Variants in CDHR4 observed in about 807,000 individuals in gnomAD.
The protein encoded by CDHR4 is cadherin related family member 4.
CDHR4 carries 89 observed loss-of-function variants against 88.4 expected under a neutral mutation model. The ratio of observed to expected loss-of-function variants is 1.01; its 90% CI spans 0.85 to 1.20. The LOEUF is 1.20. Among genes scored for constraint, CDHR4 ranks in the 50% most tolerant of loss-of-function variants. CDHR4 has a pLI of 0.00. For synonymous variants in CDHR4, 368 were observed against 399.2 expected, an observed-to-expected ratio of 0.92 and a Z score of 0.93; for missense variants, 914 against 1,007.2, an observed-to-expected ratio of 0.91 and a Z score of 1.25.
At chr3:49,797,622 C>T (rs957548363) in intron 4 of CDHR4, among the ~76,000 whole-genome samples, 8 of 152,128 alleles carry the variant, frequency 5.3e-5, no homozygotes, top group Non-Finnish European at 1.0e-4. Context: ...GCTGAGATTA[C>T]AGGTGCCCGC....
chr3:49,791,874 A>G, intron 16 of CDHR4, 29 bp downstream of exon 16: 2 of 1,551,566 alleles, frequency 1.3e-6, no homozygotes, highest in East Asian at 2.4e-5. Flanking sequence ...ATGGGATCCC[A>G]GGCATAGAAG....
At chr3:49,793,513 GAAC>G (rs2081215469) in intron 12 of CDHR4, 67 bp downstream of exon 12, 1 of 1,527,272 alleles carries the variant, frequency 6.5e-7, no homozygotes, top group East Asian at 2.5e-5. Context: ...TGGAAAAGCA[GAAC>G]ACCACAGGGC....
chr3:49,798,447 G>A, intron 4 of CDHR4: 1 of 237,896 alleles, frequency 4.2e-6, no homozygotes. Context: ...AATTAGCCGG[G>A]CGTGGTGGCG....
At position 49,791,972 on chromosome 3, in the gene CDHR4, G is replaced by A; in HGVS notation, c.2139-13C>T. 6.4e-7 allele frequency: 1 copy of A among 1,551,520 alleles called. No individual in the cohort carries two copies. The highest frequency in any genetic ancestry group is 8.7e-7 in the Non-Finnish European group (1 of 1,146,984). On this transcript the variant is annotated splice_polypyrimidine_tract_variant and intron_variant, in intron 15 of 18. Transcript: ENST00000412678. ...CAGCTGGGCCAACCTAAAATGCCAG[G>A]AGGAGTAACGAAGCAGTGAGGGCAG...
chr3:49,799,225 C>T (rs1384588707), intron 2 of CDHR4, 22 bp downstream of exon 2: 4 of 1,612,164 alleles, frequency 2.5e-6, no homozygotes, highest in Non-Finnish European at 1.7e-6. Flanking sequence ...CCCACAGTCC[C>T]CAGCTGTACA....
chr3:49,799,281 C>T lies in CDHR4; in HGVS notation c.206G>A (p.Ser69Asn). The change falls in exon 2 of 19, where the codon AGC becomes AAC. Residue 69 changes from serine (S) to asparagine (N), a missense_variant. By Grantham distance (46) the Ser-to-Asn change is conservative. Transcript: ENST00000412678. ...ATAGGTCCCTTGCCACCTGGCCAAG[C>T]TGGGTGGGTTGAAGAAGGTGGTGGG... The part of the protein sequence containing the change: ...QPPTTFFNPP[S>N]LARWQGTYVG... 1 of 1,613,800 alleles carries T rather than the reference C, an allele frequency of 6.2e-7. No individual in the cohort carries two copies.
chr3:49,794,070 G>A, intron 10 of CDHR4, 64 bp from the exon 11 acceptor site: 1 of 1,488,428 alleles, frequency 6.7e-7, no homozygotes, highest in Non-Finnish European at 9.1e-7. Flanking sequence ...GGGGGTCTGA[G>A]GAGGGAGACA....
At chr3:49,791,385 T>TA in intron 18 of CDHR4, 56 bp downstream of exon 18, 1 of 1,503,834 alleles carries the variant, frequency 6.6e-7, no homozygotes, top group Non-Finnish European at 8.9e-7. Flanking sequence ...GAGGAGGAGA[T>TA]ACTCAGATGG....
In CDHR4 at chr3:49,796,994, A is replaced by G. The variant is rs2081279382; in HGVS notation, c.534T>C (p.Pro178=). The G allele has an allele frequency of 3.9e-6, 6 of 1,551,736 alleles. No homozygotes were observed. Among genetic ancestry groups the G allele is most frequent in the Non-Finnish European group, 5.2e-6 (6 of 1,146,998 alleles). ...IISAQDLPHF[P]GPFSINEQGW... ...CTTGCTCATTGATGGAGAAAGGTCC[A>G]GGGAAGTGTGGCAGGTCCTGGGCAC... Residue 178 remains proline, a synonymous_variant, in exon 5 of 19, where the codon CCT becomes CCC. Coordinates refer to ENST00000412678, the MANE Select transcript of CDHR4 (RefSeq NM_001007540.4).
At position 49,795,266 on chromosome 3, in the gene CDHR4, T is replaced by C. The variant is rs1378399776; in HGVS notation, c.961A>G (p.Lys321Glu). Residue 321 changes from lysine (K) to glutamate (E), a missense_variant, in exon 8 of 19, where the codon AAG (lysine) becomes GAG (glutamate). Physicochemically the swap from Lys to Glu is moderately conservative, Grantham distance 56 (BLOSUM62 1). Transcript: ENST00000412678. The surrounding 1 kb of genome is among the most constrained non-coding windows in gnomAD (Gnocchi z 5.4). ...TGCACATTCATGGTGAGATTGAGCTTGGCACTGGCCCACAGCTGGCCCTGC... is the reference window on the plus strand; with the variant it reads ...TGCACATTCATGGTGAGATTGAGCTCGGCACTGGCCCACAGCTGGCCCTGC... ...FEQGQLWASA[K>E]LNLTMNVQLV... The C allele has an allele frequency of 3.2e-6, 5 of 1,551,504 alleles. No homozygotes were observed. The East Asian group carries it at 1.2e-4, about 38-fold the overall frequency.
intron 10 of CDHR4, 48 bp downstream of exon 10, chr3:49,794,560 G>A (rs911735116): frequency 1.2e-5 from 17 of 1,441,304 alleles, no homozygotes; most frequent in African/African-American, 2.8e-5. Flanking sequence ...GAAGCGGGAG[G>A]ACAGAACAGC....
intron 14 of CDHR4, 37 bp downstream of exon 14, chr3:49,792,817 C>A: frequency 1.3e-6 from 2 of 1,502,592 alleles, no homozygotes; most frequent in South Asian, 1.3e-5. Context: ...AAGGTCCACC[C>A]TTCCCACCCT....
chr3:49,797,819 TC>T (rs1421892786), intron 4 of CDHR4, among the ~76,000 whole-genome samples: 1 of 151,520 alleles, frequency 6.6e-6, no homozygotes, highest in Non-Finnish European at 1.5e-5. Context: ...CTGACCCTTA[TC>T]CCAGCCTGGG....
intron 4 of CDHR4, 94 bp downstream of exon 4, chr3:49,798,732 T>C: frequency 8.2e-7 from 1 of 1,223,578 alleles, no homozygotes; most frequent in Non-Finnish European, 1.2e-6. Context: ...GCAAGGTTCC[T>C]CTTCAGGCTG....
chr3:49,793,972 G>C lies in CDHR4; in HGVS notation c.1314C>G (p.Ile438Met). The change falls in exon 11 of 19, where the codon ATC becomes ATG. Residue 438 changes from isoleucine (I) to methionine (M), a missense_variant. Coordinates refer to ENST00000412678, the MANE Select transcript of CDHR4 (RefSeq NM_001007540.4). ...EVPVLVMVTP[I>M]NEFSPACAPR... is the part of the protein sequence containing the mutation. ...GGGCACAGGCTGGGGAGAACTCGTT[G>C]ATGGGTGTCACCATCACCAGTACCG... The C allele has an allele frequency of 6.4e-7, 1 of 1,551,736 alleles. No individual in the cohort carries two copies. Among genetic ancestry groups the C allele is most frequent in the Non-Finnish European group, 8.7e-7 (1 of 1,147,000 alleles).
intron 18 of CDHR4, among the ~76,000 whole-genome samples, chr3:49,791,169 T>G (rs1300088876): frequency 6.6e-6 from 1 of 152,208 alleles, no homozygotes; most frequent in Non-Finnish European, 1.5e-5. Flanking sequence ...GACATTGGAC[T>G]ATCTGGAGGC....
chr3:49,791,338 C>A (rs1407225148), intron 18 of CDHR4, 103 bp downstream of exon 18: 1 of 1,290,450 alleles, frequency 7.7e-7, no homozygotes, highest in African/African-American at 1.5e-5. Flanking sequence ...ATGGTGGGTT[C>A]CTGGGAGTAG....
In CDHR4 at chr3:49,794,127, G is replaced by C. The variant is rs1322323114; in HGVS notation, c.1280-121C>G. Reference sequence around the variant, plus strand: ...AAGAGTGAGAGGGTCTGCTGGGCGTGGTGGCTCACGCCTGTAATCCCAGCA... The same window carrying C: ...AAGAGTGAGAGGGTCTGCTGGGCGTCGTGGCTCACGCCTGTAATCCCAGCA... On this transcript the variant is annotated intron_variant, in intron 10 of 18. Transcript: ENST00000412678. 3 of 965,144 alleles carry C rather than the reference G, an allele frequency of 3.1e-6. No individual in the cohort carries two copies. The East Asian group carries it at 7.9e-5, about 25-fold the overall frequency. 59.8% of individuals were successfully genotyped at this position (965,144 alleles called of 1,614,324 possible).
At chr3:49,794,901 C>T in intron 9 of CDHR4, 46 bp downstream of exon 9, 2 of 1,549,610 alleles carry the variant, frequency 1.3e-6, no homozygotes, top group Non-Finnish European at 1.7e-6. Flanking sequence ...CACCCCTTCC[C>T]ACTGCAAGCA....
Sources: allele counts gnomAD v4.1 joint callset (sites outside exome capture counted in the v4.1 genomes callset), GRCh38; gene constraint gnomAD v4.1.1; non-coding constraint Gnocchi (gnomAD v3.1); transcripts MANE v1.5; gene names NCBI Gene and HGNC (gene_info 2026-07-23, HGNC 2026-07-21).